RFFL: variants seen among roughly 807,000 people sequenced by gnomAD.
RFFL encodes ring finger and FYVE like domain containing E3 ubiquitin protein ligase.
A neutral mutation model predicts 40.4 loss-of-function variants in RFFL; 16 were observed. The observed-to-expected ratio is 0.40, with a 90% CI of 0.27 to 0.60. The LOEUF (loss-of-function observed/expected upper bound fraction) is 0.60, where lower values mean the gene tolerates loss of function less well. Ranked by LOEUF, RFFL falls within the 20% of genes least tolerant of loss-of-function variation. The pLI, the probability that RFFL is intolerant of heterozygous loss-of-function variation, is 0.47. For missense variants in RFFL, 367 were observed against 451.7 expected, an observed-to-expected ratio of 0.81 and a Z score of 1.70; for synonymous variants, 154 against 167.9, an observed-to-expected ratio of 0.92 and a Z score of 0.64.
At chr17:35,024,137 G>A (rs1033319125) in intron 2 of RFFL, among the ~76,000 whole-genome samples, 4 of 152,184 alleles carry the variant, frequency 2.6e-5, no homozygotes, top group East Asian at 3.8e-4. Flanking sequence ...AGAACTGGCC[G>A]TGGCGCCTCA....
intron 1 of RFFL, among the ~76,000 whole-genome samples, chr17:35,041,980 A>C (rs1202160746): frequency 6.6e-6 from 1 of 152,194 alleles, no homozygotes; most frequent in East Asian, 1.9e-4. Context: ...ACACCACTGC[A>C]CTCCAGCCTG....
At chr17:35,042,275 C>G (rs1028362362) in intron 1 of RFFL, 17 of 152,212 alleles carry the variant, frequency 1.1e-4, no homozygotes, top group Admixed American at 3.9e-4. Flanking sequence ...GTAAGTTAGT[C>G]TGGCAAGCAA....
At chr17:35,039,370 C>A (rs769471287) in intron 1 of RFFL, among the ~76,000 whole-genome samples, 1 of 150,978 alleles carries the variant, frequency 6.6e-6, no homozygotes, top group African/African-American at 2.4e-5. Context: ...CAGGCACGTG[C>A]CATCACACCC....
At chr17:35,045,016 T>C (rs9890290) in intron 1 of RFFL, among the ~76,000 whole-genome samples, 4,677 of 152,010 alleles carry the variant, frequency 0.031, 224 homozygotes, top group African/African-American at 0.1. Flanking sequence ...GAATTACAGG[T>C]GTGAGCCACC....
chr17:35,068,243 A>G (rs1406682049), upstream of RFFL, among the ~76,000 whole-genome samples: 1 of 152,234 alleles, frequency 6.6e-6, no homozygotes, highest in Non-Finnish European at 1.5e-5. Flanking sequence ...ATGGGATGCT[A>G]TATAGCTCAT....
chr17:35,081,547 T>G (rs2091403137), intron 1 of RFFL, among the ~76,000 whole-genome samples: 1 of 152,056 alleles, frequency 6.6e-6, no homozygotes, highest in Non-Finnish European at 1.5e-5. Flanking sequence ...TAGAAAAAAA[T>G]AATCTCTGGG....
At chr17:35,034,076 G>T (rs1364086614) in intron 1 of RFFL, among the ~76,000 whole-genome samples, 1 of 150,700 alleles carries the variant, frequency 6.6e-6, no homozygotes, top group African/African-American at 2.5e-5. Context: ...CCGGGAGGCG[G>T]AGCTTGCAGT....
chr17:35,017,332 C>T (rs2090980318), intron 4 of RFFL, among the ~76,000 whole-genome samples, 191 bp downstream of exon 4: 1 of 152,212 alleles, frequency 6.6e-6, no homozygotes, highest in African/African-American at 2.4e-5. Context: ...GACCTCACAA[C>T]TCCTTATAAA....
intron 1 of RFFL, among the ~76,000 whole-genome samples, chr17:35,081,971 G>A (rs1444112560): frequency 1.3e-5 from 2 of 151,882 alleles, no homozygotes; most frequent in Non-Finnish European, 2.9e-5. Flanking sequence ...CAGATTCATG[G>A]TTTAGATGTA....
chr17:35,040,273 G>A (rs1438536975), intron 1 of RFFL, among the ~76,000 whole-genome samples: 1 of 151,946 alleles, frequency 6.6e-6, no homozygotes, highest in Non-Finnish European at 1.5e-5. Flanking sequence ...GGCTGTCTTA[G>A]GCCTCCCTCT....
intron 4 of RFFL, 65 bp from the exon 5 acceptor site, chr17:35,016,645 C>T: frequency 7.5e-7 from 1 of 1,340,654 alleles, no homozygotes; most frequent in Non-Finnish European, 1.1e-6. Flanking sequence ...TCTCCAAGGA[C>T]CCCAAAGCAG....
rs200714679 is a variant in RFFL at position 35,059,203 on chromosome 17, G to GA, written c.-9+4372dup. Among the ~76,000 whole-genome samples the GA allele has an allele frequency of 6.9e-3, 1,050 of 151,998 alleles. 11 individuals carry two copies. The highest frequency in any genetic ancestry group is 0.024 in the African/African-American group (976 of 41,410). ...CCAGCTAATTTTTGTATTTTTAGTAGAGACGGGGTTTCACCATGTTGGTCA... is the reference window on the plus strand; with the variant it reads ...CCAGCTAATTTTTGTATTTTTAGTAGAAGACGGGGTTTCACCATGTTGGTCA... On this transcript the variant is annotated intron_variant, in intron 1 of 6. Coordinates refer to ENST00000394597, the MANE Select transcript of RFFL (RefSeq NM_001017368.2).
In RFFL at chr17:35,026,358, A is replaced by G. The variant is rs764618471; in HGVS notation, c.180+16T>C. 1.9e-6 allele frequency: 3 copies of G among 1,612,226 alleles called. No individual in the cohort carries two copies. Among genetic ancestry groups the G allele is most frequent in the Non-Finnish European group, 2.5e-6 (3 of 1,179,180 alleles). On this transcript the variant is annotated intron_variant, in intron 2 of 6. Transcript: ENST00000394597. ...TAGGCTGCAGTGGCAGAGCAGGCCA[A>G]GAAGTCAGCACTCACCTTCCTGGCC...
intron 1 of RFFL, among the ~76,000 whole-genome samples, chr17:35,081,497 T>C (rs2142387002): frequency 6.6e-6 from 1 of 152,306 alleles, no homozygotes; most frequent in South Asian, 2.1e-4. Flanking sequence ...GTAATATACT[T>C]AGGAGTTTCC....
intron 1 of RFFL, chr17:35,036,280 G>A (rs946275946): frequency 2.0e-5 from 3 of 152,194 alleles, no homozygotes; most frequent in South Asian, 2.1e-4. Context: ...ATTGTGAGGT[G>A]TAGAAAGAAT....
At position 35,016,238 on chromosome 17, in the gene RFFL, C is replaced by T. The variant is rs577749568; in HGVS notation, c.886+132G>A. On this transcript the variant is annotated intron_variant, in intron 5 of 6. Coordinates refer to ENST00000394597, the MANE Select transcript of RFFL (RefSeq NM_001017368.2). ...ACCACAAATGACAGCTATTATTAGA[C>T]GGTGCAAATATGTAAGGTGTCTCCT... 75 of 750,732 alleles carry T rather than the reference C, an allele frequency of 1.0e-4. 1 individual carries two copies. Among genetic ancestry groups the T allele is most frequent in the African/African-American group, 2.4e-4 (14 of 57,622 alleles). The allele number at this position is 750,732 out of a possible 1,614,324, so 46.5% of individuals were successfully genotyped here.
chr17:35,058,675 G>A (rs1343924268), intron 1 of RFFL, among the ~76,000 whole-genome samples: 1 of 152,112 alleles, frequency 6.6e-6, no homozygotes, highest in African/African-American at 2.4e-5. Flanking sequence ...GGAGGCTGAG[G>A]CAAGAGAATC....
At chr17:35,049,731 A>T (rs1349477193) in intron 1 of RFFL, among the ~76,000 whole-genome samples, 3 of 152,232 alleles carry the variant, frequency 2.0e-5, no homozygotes, top group African/African-American at 7.2e-5. Context: ...CACCACACTC[A>T]GAAAACACTC....
intron 6 of RFFL, among the ~76,000 whole-genome samples, chr17:35,012,705 G>C (rs2090948495): frequency 6.6e-6 from 1 of 152,212 alleles, no homozygotes; most frequent in Non-Finnish European, 1.5e-5. Flanking sequence ...CAGGTTTCCT[G>C]AGGAAACTTC....
Sources: allele counts gnomAD v4.1 joint callset (sites outside exome capture counted in the v4.1 genomes callset), GRCh38; gene constraint gnomAD v4.1.1; transcripts MANE v1.5; gene names NCBI Gene and HGNC (gene_info 2026-07-23, HGNC 2026-07-21).